COL5A2: variants seen among roughly 807,000 people sequenced by gnomAD.
COL5A2 encodes collagen alpha-2(V) chain.
In COL5A2, 23 loss-of-function variants were observed where a neutral mutation model predicts 208.2. The ratio of observed to expected loss-of-function variants is 0.11; its 90% CI spans 0.08 to 0.16. The LOEUF (loss-of-function observed/expected upper bound fraction) is 0.16, where lower values mean the gene tolerates loss of function less well. Ranked by LOEUF, COL5A2 falls within the 10% of genes least tolerant of loss-of-function variation. COL5A2 has a pLI of 1.00. For synonymous variants in COL5A2, 625 were observed against 628.5 expected (o/e 0.99, Z 0.08); for missense variants, 1,590 against 1,956.4 (o/e 0.81, Z 3.53).
At chr2:189,202,209 A>G (rs1240001686) in intron 1 of COL5A2, among the ~76,000 whole-genome samples, 4 of 152,058 alleles carry the variant, frequency 2.6e-5, no homozygotes, top group African/African-American at 9.7e-5. Flanking sequence ...GTGAACCATA[A>G]ACAAAATGCA....
At chr2:189,274,332 T>C in the COL5A2 span, among the ~76,000 whole-genome samples, 9 of 152,160 alleles carry the variant, frequency 5.9e-5, no homozygotes, top group Non-Finnish European at 1.2e-4. Flanking sequence ...ACTTTGGGTA[T>C]TTTTACTGAA....
the COL5A2 span, among the ~76,000 whole-genome samples, chr2:189,393,844 T>C: frequency 6.6e-6 from 1 of 152,222 alleles, no homozygotes; most frequent in African/African-American, 2.4e-5. Flanking sequence ...CAAAACATAG[T>C]AATGTCTGGC....
rs1430081148 is a variant in COL5A2 at position 189,052,942 on chromosome 2, GGTC to G, written c.2627_2629del (p.Gly876_Pro877delinsAla). On this transcript the variant is annotated inframe_deletion, in exon 39 of 54. Transcript: ENST00000374866. ...GCCAGGGGATCCTGCTAAACCTTGT[GGTC>G]CAGGAGAACCAGCATCTCCCTTCTG... is the stretch of plus-strand genomic sequence containing the variant. The G allele has an allele frequency of 1.9e-6, 3 of 1,614,104 alleles. No homozygotes were observed.
intron 8 of COL5A2, among the ~76,000 whole-genome samples, chr2:189,088,284 T>C (rs1024550854): frequency 2.0e-5 from 3 of 152,184 alleles, no homozygotes; most frequent in Admixed American, 1.3e-4. Flanking sequence ...GGATATTAAG[T>C]AGAAAATAAT....
chr2:189,089,089 T>A (rs1027370655), intron 7 of COL5A2, among the ~76,000 whole-genome samples: 3 of 152,220 alleles, frequency 2.0e-5, no homozygotes, highest in African/African-American at 7.2e-5. Flanking sequence ...ATTGCAGGTT[T>A]AAGTCTCTTT....
chr2:189,120,541 CAAACTTCAAATTAGTAAGGGTG>C (rs1385535513), intron 1 of COL5A2, among the ~76,000 whole-genome samples: 5 of 152,110 alleles, frequency 3.3e-5, no homozygotes, highest in Non-Finnish European at 7.4e-5. Context: ...TTTATAAAAG[CAAACTTCAAATTAGTAAGGGTG>C]AACAGAATAC....
the COL5A2 span, among the ~76,000 whole-genome samples, chr2:189,323,320 A>G: frequency 0.035 from 5,252 of 151,674 alleles, 106 homozygotes; most frequent in Admixed American, 0.047. Context: ...GTTCTGGCCA[A>G]GGCAATGAGG....
In COL5A2 at chr2:189,043,277, C is replaced by A; in HGVS notation, c.3364-19G>T. 1 of 1,552,030 alleles carries A rather than the reference C, an allele frequency of 6.4e-7. No individual in the cohort carries two copies. The highest frequency in any genetic ancestry group is 8.9e-7 in the Non-Finnish European group (1 of 1,124,088). ...GGGGTCCCTAGAAATAGAGATATGG[C>A]ATGAAAATTACTTGCTACATATTAT... On this transcript the variant is annotated intron_variant, in intron 47 of 53. Transcript: ENST00000374866.
At chr2:189,275,611 C>G in the COL5A2 span, among the ~76,000 whole-genome samples, 4 of 151,900 alleles carry the variant, frequency 2.6e-5, no homozygotes, top group East Asian at 5.8e-4. Context: ...GCGCCACCAC[C>G]CTGGCTAATT....
chr2:189,052,083 A>C, intron 41 of COL5A2, 89 bp downstream of exon 41: 2 of 1,098,368 alleles, frequency 1.8e-6, no homozygotes, highest in East Asian at 5.3e-5. Context: ...CCATTAAGAA[A>C]TTAAATAAAA....
chr2:189,152,753 A>G (rs946842828), intron 1 of COL5A2, among the ~76,000 whole-genome samples: 7 of 152,214 alleles, frequency 4.6e-5, no homozygotes, highest in African/African-American at 1.7e-4. Context: ...GAAATGAGCT[A>G]GGGTGGAGAG....
the COL5A2 span, among the ~76,000 whole-genome samples, chr2:189,301,903 G>A: frequency 5.9e-5 from 9 of 152,016 alleles, no homozygotes; most frequent in African/African-American, 1.9e-4. Context: ...TAGAAAAGTA[G>A]AAATCAAAAC....
At chr2:189,398,824 T>C in the COL5A2 span, among the ~76,000 whole-genome samples, 1 of 152,206 alleles carries the variant, frequency 6.6e-6, no homozygotes, top group Non-Finnish European at 1.5e-5. Flanking sequence ...TTGGATTGTG[T>C]GGTTGCTGTT....
intron 2 of COL5A2, among the ~76,000 whole-genome samples, chr2:189,105,346 A>G (rs2105701508): frequency 6.6e-6 from 1 of 151,758 alleles, no homozygotes; most frequent in East Asian, 1.9e-4. Flanking sequence ...ATTTCCCCAC[A>G]GGCAATATGC....
intron 19 of COL5A2, among the ~76,000 whole-genome samples, chr2:189,068,571 C>T (rs958481611): frequency 2.0e-5 from 3 of 151,964 alleles, no homozygotes; most frequent in African/African-American, 7.3e-5. Flanking sequence ...TAAAATGTTC[C>T]CAACACATAG....
At chr2:189,343,075 A>G in the COL5A2 span, among the ~76,000 whole-genome samples, 4 of 152,050 alleles carry the variant, frequency 2.6e-5, no homozygotes, top group Admixed American at 6.6e-5. Context: ...GTGCCTGAAG[A>G]CAGACATACA....
At chr2:189,360,336 T>C in the COL5A2 span, among the ~76,000 whole-genome samples, 1 of 152,170 alleles carries the variant, frequency 6.6e-6, no homozygotes, top group Non-Finnish European at 1.5e-5. Flanking sequence ...CAACATTATA[T>C]TTCAACCAGT....
intron 16 of COL5A2, among the ~76,000 whole-genome samples, chr2:189,077,444 G>A (rs1686433531): frequency 6.6e-6 from 1 of 152,116 alleles, no homozygotes; most frequent in African/African-American, 2.4e-5. Context: ...TAATACCCTG[G>A]TAAGAACCCT....
At chr2:189,388,641 T>C in the COL5A2 span, among the ~76,000 whole-genome samples, 1 of 152,176 alleles carries the variant, frequency 6.6e-6, no homozygotes, top group Non-Finnish European at 1.5e-5. Context: ...GTACAAAAAA[T>C]AGATTGCAGT....
Sources: gnomAD v4.1 joint callset for allele counts (sites outside exome capture counted in the v4.1 genomes callset) on GRCh38, gnomAD v4.1.1 for gene constraint, MANE v1.5 for transcripts, NCBI Gene and HGNC (gene_info 2026-07-23, HGNC 2026-07-21) for gene names.